Variants in ACER3 observed in about 807,000 individuals in gnomAD.
ACER3 encodes alkCDase 3.
In ACER3, 16 loss-of-function variants were observed where a neutral mutation model predicts 48.9. The ratio of observed to expected loss-of-function variants is 0.33; its 90% CI spans 0.22 to 0.50. The LOEUF (loss-of-function observed/expected upper bound fraction) is 0.50, where lower values mean the gene tolerates loss of function less well. Among genes scored for constraint, ACER3 ranks in the 20% least tolerant of loss-of-function variants. ACER3 has a pLI of 0.98. For synonymous variants in ACER3, 109 were observed against 107.8 expected (o/e 1.01, Z -0.07); for missense variants, 227 against 326.0 (o/e 0.70, Z 2.34).
In ACER3 at chr11:76,962,121, C is replaced by T. The variant is rs1048517246; in HGVS notation, c.267+3090C>T. ...CTGGCATGCAGTGGTGTAATCTTGG[C>T]TCACGGCAACCTCTGCCTCCCAGGT... On this transcript the variant is annotated intron_variant, in intron 3 of 10. Coordinates refer to ENST00000532485, the MANE Select transcript of ACER3 (RefSeq NM_018367.7). 1.9e-4 allele frequency among the ~76,000 whole-genome samples: 29 copies of T among 150,782 alleles called. 1 individual carries two copies. Among genetic ancestry groups the T allele is most frequent in the African/African-American group, 7.0e-4 (28 of 40,192 alleles).
intron 6 of ACER3, among the ~76,000 whole-genome samples, chr11:76,991,815 CAA>C (rs5792751): frequency 3.1e-4 from 38 of 123,252 alleles, no homozygotes; most frequent in Admixed American, 6.8e-4. Flanking sequence ...AACTCTGTCT[CAA>C]AAAAAAAAAA....
At chr11:77,017,934 A>C (rs1555023662) in intron 9 of ACER3, among the ~76,000 whole-genome samples, 1 of 139,278 alleles carries the variant, frequency 7.2e-6, no homozygotes, top group Non-Finnish European at 1.5e-5. Context: ...ATCTGTGATC[A>C]GTGATCTTTT....
At chr11:76,922,273 C>T (rs146728603) in intron 1 of ACER3, among the ~76,000 whole-genome samples, 2 of 152,218 alleles carry the variant, frequency 1.3e-5, no homozygotes, top group East Asian at 3.9e-4. Context: ...TCCCTGCCTC[C>T]AGGTAATTTG....
chr11:76,869,889 T>G (rs2134518151), intron 1 of ACER3, among the ~76,000 whole-genome samples: 1 of 152,312 alleles, frequency 6.6e-6, no homozygotes, highest in East Asian at 1.9e-4. Context: ...TGAGAAAGGG[T>G]CTCATTCTGT....
intron 6 of ACER3, chr11:76,994,322 G>C (rs1441409286): frequency 2.7e-6 from 1 of 369,338 alleles, no homozygotes; most frequent in East Asian, 7.6e-5. Flanking sequence ...TAGAAACGGG[G>C]TATCGCCATG....
At chr11:76,862,560 A>C (rs1944968746) in intron 1 of ACER3, among the ~76,000 whole-genome samples, 1 of 152,178 alleles carries the variant, frequency 6.6e-6, no homozygotes, top group Non-Finnish European at 1.5e-5. Flanking sequence ...AGAGATGTAA[A>C]ACCATGCACT....
intron 2 of ACER3, among the ~76,000 whole-genome samples, chr11:76,951,234 G>A (rs906077135): frequency 2.6e-5 from 4 of 152,170 alleles, no homozygotes; most frequent in Non-Finnish European, 5.9e-5. Context: ...AAATTATACA[G>A]CAATTGCTAA....
intron 1 of ACER3, among the ~76,000 whole-genome samples, chr11:76,910,185 A>T (rs1318371641): frequency 6.6e-6 from 1 of 152,114 alleles, no homozygotes; most frequent in Non-Finnish European, 1.5e-5. Flanking sequence ...TGACCGGTTG[A>T]TAGGTGCAGC....
At chr11:76,949,346 T>A (rs1400706552) in intron 2 of ACER3, among the ~76,000 whole-genome samples, 1 of 152,188 alleles carries the variant, frequency 6.6e-6, no homozygotes, top group African/African-American at 2.4e-5. Context: ...CCCTATTACT[T>A]ATTTTGTGGA....
chr11:76,985,797 C>A, intron 5 of ACER3, 73 bp downstream of exon 5: 5 of 857,814 alleles, frequency 5.8e-6, no homozygotes, highest in Non-Finnish European at 8.6e-6. Context: ...TATTTTACTT[C>A]CAGTATTTGC....
chr11:76,914,614 CA>C (rs1946473333), intron 1 of ACER3, among the ~76,000 whole-genome samples: 1 of 152,158 alleles, frequency 6.6e-6, no homozygotes, highest in Admixed American at 6.5e-5. Context: ...TAAACTAGTT[CA>C]ACCATGGAGG....
At chr11:77,013,631 A>G (rs955797726) in intron 7 of ACER3, among the ~76,000 whole-genome samples, 6 of 152,214 alleles carry the variant, frequency 3.9e-5, no homozygotes, top group African/African-American at 1.4e-4. Flanking sequence ...GCCTGGTGGG[A>G]ATGTAAAATG....
intron 7 of ACER3, among the ~76,000 whole-genome samples, chr11:77,000,452 G>T (rs116576541): frequency 0.03 from 4,589 of 152,150 alleles, 89 homozygotes; most frequent in South Asian, 0.065. Context: ...TTTATGGATT[G>T]TGTTTTTGGT....
chr11:76,923,506 C>CT (rs1323005427), intron 1 of ACER3, among the ~76,000 whole-genome samples: 1 of 152,060 alleles, frequency 6.6e-6, no homozygotes, highest in African/African-American at 2.4e-5. Flanking sequence ...ATGTTTCTTG[C>CT]TTTTTTTGTA....
chr11:76,970,137 T>C (rs1411171562), intron 3 of ACER3, among the ~76,000 whole-genome samples: 1 of 152,096 alleles, frequency 6.6e-6, no homozygotes, highest in African/African-American at 2.4e-5. Context: ...TGGGCAGTTG[T>C]GCCTAAACTC....
chr11:76,956,694 T>TTTC (rs1355696629), intron 2 of ACER3, among the ~76,000 whole-genome samples: 1 of 151,886 alleles, frequency 6.6e-6, no homozygotes, highest in Non-Finnish European at 1.5e-5. Flanking sequence ...CTTTTTTTTT[T>TTTC]TTTTTACTTC....
chr11:76,892,630 T>C (rs923179639), intron 1 of ACER3, among the ~76,000 whole-genome samples: 1 of 152,194 alleles, frequency 6.6e-6, no homozygotes, highest in Non-Finnish European at 1.5e-5. Context: ...CCAGTAGAAC[T>C]TGGCCCAAAG....
chr11:76,999,128 A>G (rs1555019273), intron 7 of ACER3, among the ~76,000 whole-genome samples: 2 of 152,096 alleles, frequency 1.3e-5, no homozygotes, highest in African/African-American at 2.4e-5. Flanking sequence ...TAAAAATCCT[A>G]TAGTTAAAAA....
chr11:76,877,017 T>C (rs1459650844), intron 1 of ACER3, among the ~76,000 whole-genome samples: 1 of 152,198 alleles, frequency 6.6e-6, no homozygotes, highest in Non-Finnish European at 1.5e-5. Context: ...ACTCAGAGTA[T>C]GTCATATTAT....
Sources: allele counts gnomAD v4.1 joint callset (sites outside exome capture counted in the v4.1 genomes callset), GRCh38; gene constraint gnomAD v4.1.1; transcripts MANE v1.5; gene names NCBI Gene and HGNC (gene_info 2026-07-23, HGNC 2026-07-21).